ADGRL2: variants seen among roughly 807,000 people sequenced by gnomAD.
The protein encoded by ADGRL2 is adhesion G protein-coupled receptor L2.
In ADGRL2, 44 loss-of-function variants were observed where a neutral mutation model predicts 157.4. The observed-to-expected ratio is 0.28, with a 90% CI of 0.22 to 0.36. The LOEUF (loss-of-function observed/expected upper bound fraction) is 0.36, where lower values mean the gene tolerates loss of function less well. Among genes scored for constraint, ADGRL2 ranks in the 10% least tolerant of loss-of-function variants. The pLI, the probability that ADGRL2 is intolerant of heterozygous loss-of-function variation, is 1.00. For synonymous variants in ADGRL2, 585 were observed against 624.7 expected, an observed-to-expected ratio of 0.94 and a Z score of 0.95; for missense variants, 1,510 against 1,768.9, an observed-to-expected ratio of 0.85 and a Z score of 2.63.
intron 1 of ADGRL2, among the ~76,000 whole-genome samples, chr1:81,442,688 T>C (rs1356687603): frequency 6.6e-6 from 1 of 152,196 alleles, no homozygotes; most frequent in African/African-American, 2.4e-5. Flanking sequence ...CAGATTTGCT[T>C]TGGACTGCAT....
intron 1 of ADGRL2, among the ~76,000 whole-genome samples, chr1:81,440,346 A>G (rs60277548): frequency 0.024 from 3,602 of 152,328 alleles, 71 homozygotes; most frequent in African/African-American, 0.042. Flanking sequence ...TGAAAATTAC[A>G]TAAATTAGCC....
intron 1 of ADGRL2, among the ~76,000 whole-genome samples, chr1:81,381,495 A>G (rs1317383265): frequency 6.6e-6 from 1 of 152,140 alleles, no homozygotes. Context: ...AAGGATCACT[A>G]GAGCCCAGGA....
intron 2 of ADGRL2, among the ~76,000 whole-genome samples, chr1:81,868,284 G>A (rs960768312): frequency 6.6e-6 from 1 of 152,056 alleles, no homozygotes; most frequent in Non-Finnish European, 1.5e-5. Context: ...TACAAATAGG[G>A]TATGTTCTAC....
chr1:81,783,672 C>T (rs889275217), intron 2 of ADGRL2, among the ~76,000 whole-genome samples: 3 of 151,990 alleles, frequency 2.0e-5, no homozygotes, highest in African/African-American at 2.4e-5. Flanking sequence ...AGGACTTTTA[C>T]GTAGTCAATA....
intron 3 of ADGRL2, among the ~76,000 whole-genome samples, chr1:81,932,933 C>T (rs1247042212): frequency 1.3e-5 from 2 of 152,148 alleles, no homozygotes; most frequent in African/African-American, 4.8e-5. Flanking sequence ...AAATCCCGAC[C>T]TCAGGTGATC....
chr1:81,968,644 C>A (rs2149308020), intron 14 of ADGRL2, among the ~76,000 whole-genome samples: 1 of 152,294 alleles, frequency 6.6e-6, no homozygotes, highest in East Asian at 1.9e-4. Flanking sequence ...GAATATGTCT[C>A]AGTATTCTTT....
chr1:81,796,435 T>C (rs1260633986), upstream of ADGRL2, among the ~76,000 whole-genome samples: 2 of 152,202 alleles, frequency 1.3e-5, no homozygotes, highest in East Asian at 1.9e-4. Context: ...GAAGCATTGA[T>C]AAAAGACCTA....
intron 11 of ADGRL2, among the ~76,000 whole-genome samples, chr1:81,962,896 T>C (rs1405175032): frequency 6.6e-6 from 1 of 152,158 alleles, no homozygotes; most frequent in Non-Finnish European, 1.5e-5. Flanking sequence ...CTGCTTTGGC[T>C]GCTTTTTGGC....
At chr1:81,803,533 C>A (rs2088638446) in intron 1 of ADGRL2, among the ~76,000 whole-genome samples, 2 of 151,946 alleles carry the variant, frequency 1.3e-5, no homozygotes, top group African/African-American at 4.8e-5. Context: ...TTTAGGGACT[C>A]CTCCTCCTCA....
chr1:81,473,661 C>T (rs1278184007), intron 2 of ADGRL2, among the ~76,000 whole-genome samples: 1 of 152,144 alleles, frequency 6.6e-6, no homozygotes, highest in African/African-American at 2.4e-5. Flanking sequence ...AACCTATCAC[C>T]CGTCTCCAGG....
At chr1:81,679,755 T>C (rs1457450997) in intron 3 of ADGRL2, among the ~76,000 whole-genome samples, 1 of 152,344 alleles carries the variant, frequency 6.6e-6, no homozygotes, top group East Asian at 1.9e-4. Context: ...TTAATAAATA[T>C]GTAGACTGGA....
chr1:81,895,393 CTTTTTTTTT>C (rs34557038), intron 2 of ADGRL2, among the ~76,000 whole-genome samples: 2 of 97,592 alleles, frequency 2.0e-5, no homozygotes, highest in East Asian at 3.5e-4. Context: ...TTAAATGTAT[CTTTTTTTTT>C]TTTTTTTTTT....
chr1:81,554,480 CT>C (rs397964484), intron 2 of ADGRL2, among the ~76,000 whole-genome samples: 3,983 of 145,950 alleles, frequency 0.027, 146 homozygotes, highest in African/African-American at 0.092. Flanking sequence ...ATTACTTTCT[CT>C]TTTTTTTTTT....
chr1:81,962,947 T>A (rs1655915161), intron 11 of ADGRL2, among the ~76,000 whole-genome samples: 1 of 152,206 alleles, frequency 6.6e-6, no homozygotes, highest in South Asian at 2.1e-4. Context: ...TGGATCCAGT[T>A]CCAGACACAA....
intron 3 of ADGRL2, among the ~76,000 whole-genome samples, chr1:81,649,003 C>A (rs1448751205): frequency 6.6e-6 from 1 of 152,138 alleles, no homozygotes; most frequent in Non-Finnish European, 1.5e-5. Context: ...GCATTAAAAC[C>A]ATGCCAGGGT....
chr1:81,386,252 T>C lies in ADGRL2; in HGVS notation c.-301-58784T>C, dbSNP rs546065919. 3.9e-5 allele frequency among the ~76,000 whole-genome samples: 6 copies of C among 152,256 alleles called. No homozygotes were observed. The South Asian group carries it at 1.0e-3, about 26-fold the overall frequency. On this transcript the variant is annotated intron_variant, in intron 1 of 24. Transcript: ENST00000370721. ...ACAGTCTCTTTTATAAAGGACCTAATAGAATAAACCTAGTAAGCAGGAAAC... is the reference window on the plus strand; with the variant it reads ...ACAGTCTCTTTTATAAAGGACCTAACAGAATAAACCTAGTAAGCAGGAAAC...
intron 3 of ADGRL2, among the ~76,000 whole-genome samples, chr1:81,922,329 G>A (rs1488666887): frequency 6.6e-6 from 1 of 152,162 alleles, no homozygotes; most frequent in Non-Finnish European, 1.5e-5. Context: ...GGCATTGTGA[G>A]TGAATTCCCT....
At chr1:81,338,594 A>G (rs1162451996) in intron 1 of ADGRL2, among the ~76,000 whole-genome samples, 1 of 152,204 alleles carries the variant, frequency 6.6e-6, no homozygotes, top group Non-Finnish European at 1.5e-5. Context: ...TTACAATGGC[A>G]GAAGTTACTT....
chr1:81,661,721 G>T (rs567712583), intron 3 of ADGRL2, among the ~76,000 whole-genome samples: 39 of 152,302 alleles, frequency 2.6e-4, no homozygotes, highest in African/African-American at 8.4e-4. Context: ...TACACCAGTT[G>T]TCTAGTCTAA....
Sources: allele counts gnomAD v4.1 joint callset (sites outside exome capture counted in the v4.1 genomes callset), GRCh38; gene constraint gnomAD v4.1.1; transcripts MANE v1.5; gene names NCBI Gene and HGNC (gene_info 2026-07-23, HGNC 2026-07-21).